Variants in C1QTNF3 observed in about 807,000 individuals in gnomAD.
C1QTNF3 encodes the protein C1q and TNF related 3, also known as complement C1q tumor necrosis factor-related protein 3.
Under a neutral mutation model 32.6 loss-of-function variants are expected in C1QTNF3, and 26 were observed. The ratio of observed to expected loss-of-function variants is 0.80; its 90% CI spans 0.58 to 1.11. The LOEUF is 1.11. Ranked by LOEUF, C1QTNF3 falls within the 50% of genes least tolerant of loss-of-function variation. The pLI is 0.00. For missense variants in C1QTNF3, 362 were observed against 398.2 expected (o/e 0.91, Z 0.77); for synonymous variants, 155 against 146.0 (o/e 1.06, Z -0.44).
chr5:34,042,890 A>T lies in C1QTNF3; in HGVS notation c.236T>A (p.Leu79Gln). The stretch of plus-strand genomic sequence containing the variant: ...GGGGTGCGGTAGCTCATCTGGTCTC[A>T]GGGATTTTAGGTCTGTAGAAGTGTT... ...DNNTSTDLKSLRPDELPHPEV... is the reference protein window; with the variant it reads ...DNNTSTDLKSQRPDELPHPEV... The change falls in exon 1 of 6, where the codon CTG becomes CAG. Residue 79 changes from leucine to glutamine, a missense_variant. Coordinates refer to ENST00000382065, the MANE Select transcript of C1QTNF3 (RefSeq NM_181435.6). 1 of 1,614,158 alleles carries T rather than the reference A, an allele frequency of 6.2e-7. No homozygotes were observed. The highest frequency in any genetic ancestry group is 8.5e-7 in the Non-Finnish European group (1 of 1,180,014).
the C1QTNF3 span, chr5:34,164,986 T>C: frequency 6.6e-6 from 1 of 152,048 alleles, no homozygotes. Context: ...AAATATTTAA[T>C]AGAGGGACAC....
chr5:34,195,451 CGTT>C, the C1QTNF3 span, among the ~76,000 whole-genome samples: 1 of 144,076 alleles, frequency 6.9e-6, no homozygotes, highest in Non-Finnish European at 1.5e-5. Context: ...AAAAAGCTGT[CGTT>C]GGAGAGAAAG....
the C1QTNF3 span, among the ~76,000 whole-genome samples, chr5:34,210,374 G>A: frequency 2.0e-5 from 3 of 152,030 alleles, no homozygotes; most frequent in African/African-American, 7.2e-5. Context: ...GTTTGACCTA[G>A]ACAAGTTTAT....
At chr5:34,046,699 A>G (rs1254663413), upstream of C1QTNF3, among the ~76,000 whole-genome samples, 3 of 152,232 alleles carry the variant, frequency 2.0e-5, no homozygotes, top group Admixed American at 6.5e-5. Flanking sequence ...GCATTTTGCT[A>G]TGTCAGTCTT....
chr5:34,057,312 A>G, the C1QTNF3 span, among the ~76,000 whole-genome samples: 1 of 152,200 alleles, frequency 6.6e-6, no homozygotes, highest in Admixed American at 6.5e-5. Flanking sequence ...AATCTAGAAC[A>G]ATGTTGAAAA....
chr5:34,201,782 A>G, the C1QTNF3 span, among the ~76,000 whole-genome samples: 1 of 152,232 alleles, frequency 6.6e-6, no homozygotes, highest in Non-Finnish European at 1.5e-5. Flanking sequence ...CGCAATAGGT[A>G]TCTTAAGCAG....
the C1QTNF3 span, among the ~76,000 whole-genome samples, chr5:34,094,196 A>G: frequency 1.3e-5 from 2 of 152,260 alleles, no homozygotes; most frequent in East Asian, 3.9e-4. Flanking sequence ...ATCTTTTAAC[A>G]TGCTAGTTCA....
the C1QTNF3 span, among the ~76,000 whole-genome samples, chr5:34,243,646 G>T: frequency 1.3e-5 from 2 of 151,956 alleles, no homozygotes; most frequent in Non-Finnish European, 2.9e-5. Context: ...AAAAAAGAAT[G>T]AAATTATGTC....
the C1QTNF3 span, among the ~76,000 whole-genome samples, chr5:34,080,175 A>G: frequency 6.6e-6 from 1 of 151,754 alleles, no homozygotes; most frequent in Non-Finnish European, 1.5e-5. Context: ...TTTCATTAAT[A>G]ATTTTGAATG....
chr5:34,127,582 C>A, the C1QTNF3 span, among the ~76,000 whole-genome samples: 1 of 147,014 alleles, frequency 6.8e-6, no homozygotes, highest in African/African-American at 2.5e-5. Context: ...GTTTCTTTTT[C>A]TTTTCCTTTT....
At chr5:34,129,057 C>T in the C1QTNF3 span, among the ~76,000 whole-genome samples, 1 of 152,024 alleles carries the variant, frequency 6.6e-6, no homozygotes, top group South Asian at 2.1e-4. Context: ...GGGCACACTT[C>T]CCCTTTTCTG....
the C1QTNF3 span, chr5:34,124,160 A>T: frequency 2.7e-6 from 1 of 369,370 alleles, no homozygotes; most frequent in Non-Finnish European, 4.9e-6. Flanking sequence ...CAGATACTGA[A>T]ATGTTGTTCT....
chr5:34,218,853 A>G, the C1QTNF3 span, among the ~76,000 whole-genome samples: 1 of 152,070 alleles, frequency 6.6e-6, no homozygotes, highest in Admixed American at 6.6e-5. Flanking sequence ...ATTAAGCAAA[A>G]AAGTACCCTT....
the C1QTNF3 span, among the ~76,000 whole-genome samples, chr5:34,086,302 T>TA: frequency 3.1e-5 from 4 of 127,088 alleles, no homozygotes; most frequent in African/African-American, 9.4e-5. Context: ...GTTAGGGGGC[T>TA]AAGGGAGGGA....
the C1QTNF3 span, among the ~76,000 whole-genome samples, chr5:34,056,502 AG>A: frequency 7.3e-6 from 1 of 136,878 alleles, no homozygotes; most frequent in Admixed American, 7.5e-5. Flanking sequence ...AGAGAGAGAG[AG>A]AGAGAGAGAG....
chr5:34,102,804 T>C, the C1QTNF3 span, among the ~76,000 whole-genome samples: 3 of 152,268 alleles, frequency 2.0e-5, no homozygotes, highest in African/African-American at 7.2e-5. Context: ...ATGAGAACAC[T>C]TGGGAACATC....
At chr5:34,070,877 C>A in the C1QTNF3 span, among the ~76,000 whole-genome samples, 7 of 152,044 alleles carry the variant, frequency 4.6e-5, no homozygotes, top group African/African-American at 1.4e-4. Context: ...AGTAAAGTCG[C>A]CCTCAATCTT....
the C1QTNF3 span, among the ~76,000 whole-genome samples, chr5:34,058,206 CT>C: frequency 6.6e-6 from 1 of 151,174 alleles, no homozygotes; most frequent in Non-Finnish European, 1.5e-5. Context: ...TTTGAGGCTT[CT>C]TTTTTTTTCA....
At chr5:34,059,695 T>C in the C1QTNF3 span, among the ~76,000 whole-genome samples, 1 of 152,162 alleles carries the variant, frequency 6.6e-6, no homozygotes, top group Non-Finnish European at 1.5e-5. Flanking sequence ...GCTCAACTTA[T>C]GAATTTGGGG....
Sources: allele counts gnomAD v4.1 joint callset (sites outside exome capture counted in the v4.1 genomes callset), GRCh38; gene constraint gnomAD v4.1.1; transcripts MANE v1.5; gene names NCBI Gene and HGNC (gene_info 2026-07-23, HGNC 2026-07-21).